EHBP1: variants seen among roughly 807,000 people sequenced by gnomAD.
The protein encoded by EHBP1 is EH domain binding protein 1.
EHBP1 carries 55 observed loss-of-function variants against 144.0 expected under a neutral mutation model. The observed-to-expected ratio is 0.38, with a 90% CI of 0.31 to 0.48. The LOEUF (loss-of-function observed/expected upper bound fraction) is 0.48. EHBP1 is among the 20% of genes least tolerant of loss of function. The probability of loss-of-function intolerance (pLI) is 0.98; values close to 1 mark genes in which losing one functional copy is unlikely to be tolerated. For missense variants in EHBP1, 1,200 were observed against 1,364.2 expected, an observed-to-expected ratio of 0.88 and a Z score of 1.90; for synonymous variants, 469 against 472.7, an observed-to-expected ratio of 0.99 and a Z score of 0.10.
intron 10 of EHBP1, among the ~76,000 whole-genome samples, chr2:62,882,277 T>G (rs2051506964): frequency 6.6e-6 from 1 of 152,172 alleles, no homozygotes; most frequent in African/African-American, 2.4e-5. Flanking sequence ...CCCCAATGAC[T>G]TAAATTCTGT....
At chr2:62,820,949 T>G (rs997494429) in intron 5 of EHBP1, among the ~76,000 whole-genome samples, 1 of 151,106 alleles carries the variant, frequency 6.6e-6, no homozygotes, top group Non-Finnish European at 1.5e-5. Flanking sequence ...TTTCTCAAGC[T>G]GGGTGGTGAG....
At chr2:62,887,858 C>G (rs2052072500) in intron 10 of EHBP1, among the ~76,000 whole-genome samples, 1 of 152,128 alleles carries the variant, frequency 6.6e-6, no homozygotes, top group Admixed American at 6.5e-5. Flanking sequence ...CAAAAAAACC[C>G]AGGCTGTCGA....
At chr2:62,900,090 A>G (rs1393801365) in intron 10 of EHBP1, among the ~76,000 whole-genome samples, 1 of 152,230 alleles carries the variant, frequency 6.6e-6, no homozygotes, top group African/African-American at 2.4e-5. Context: ...ACCTCTGTTC[A>G]GTAGTAAACT....
At chr2:62,691,597 T>C (rs990099901) in intron 1 of EHBP1, among the ~76,000 whole-genome samples, 1 of 152,218 alleles carries the variant, frequency 6.6e-6, no homozygotes, top group African/African-American at 2.4e-5. Context: ...TATTTGCTTC[T>C]GAACTCCTCC....
In EHBP1 at chr2:62,837,950, G is replaced by C. The variant is rs1321074187; in HGVS notation, c.634+6792G>C. On this transcript the variant is annotated intron_variant, in intron 7 of 22. Transcript: ENST00000431489. Reference sequence around the variant, plus strand: ...GATCAACGAGACAGAAAGTCAACAAGGATACCCAGGAATTGAACTCAGCTC... The same window carrying C: ...GATCAACGAGACAGAAAGTCAACAACGATACCCAGGAATTGAACTCAGCTC... 5.0e-4 allele frequency among the ~76,000 whole-genome samples: 73 copies of C among 145,062 alleles called. 1 individual carries two copies. Among genetic ancestry groups the C allele is most frequent in the South Asian group, 2.1e-3 (9 of 4,266 alleles).
chr2:62,692,598 T>G (rs1231057780), intron 1 of EHBP1, among the ~76,000 whole-genome samples: 3 of 152,234 alleles, frequency 2.0e-5, no homozygotes, highest in African/African-American at 7.2e-5. Flanking sequence ...TATCTTACTG[T>G]GGTTTGGATT....
chr2:62,756,847 A>C (rs1195780385), intron 3 of EHBP1, among the ~76,000 whole-genome samples: 1 of 151,976 alleles, frequency 6.6e-6, no homozygotes, highest in Non-Finnish European at 1.5e-5. Flanking sequence ...AAATAAAAAT[A>C]AGTTCCAGAA....
chr2:62,728,131 G>T (rs149770556), intron 2 of EHBP1, among the ~76,000 whole-genome samples: 3 of 152,218 alleles, frequency 2.0e-5, no homozygotes, highest in Non-Finnish European at 4.4e-5. Context: ...CTTTCCTGAA[G>T]TGGGACACTC....
intron 19 of EHBP1, among the ~76,000 whole-genome samples, chr2:63,026,648 T>A (rs2060996878): frequency 6.6e-6 from 1 of 152,184 alleles, no homozygotes; most frequent in South Asian, 2.1e-4. Context: ...CCATTTTCAT[T>A]GAATGGCCAT....
chr2:62,973,710 T>C (rs568505035), intron 14 of EHBP1, among the ~76,000 whole-genome samples: 8 of 152,280 alleles, frequency 5.3e-5, no homozygotes, highest in African/African-American at 1.7e-4. Context: ...TTAGAAACAC[T>C]GATAGTGGTC....
intron 5 of EHBP1, among the ~76,000 whole-genome samples, chr2:62,821,637 A>G (rs2045988319): frequency 6.6e-6 from 1 of 152,140 alleles, no homozygotes; most frequent in Non-Finnish European, 1.5e-5. Context: ...CTGTTTTTGC[A>G]CCACTGCACT....
At chr2:63,037,453 A>G (rs948499694) in intron 19 of EHBP1, 82 bp from the exon 20 acceptor site, 26 of 882,888 alleles carry the variant, frequency 2.9e-5, no homozygotes, top group Middle Eastern at 3.1e-4. Context: ...AATGTTTTCT[A>G]TGTTTAAAAA....
intron 9 of EHBP1, among the ~76,000 whole-genome samples, chr2:62,869,282 A>G (rs1375750934): frequency 1.3e-5 from 2 of 152,236 alleles, no homozygotes; most frequent in Non-Finnish European, 2.9e-5. Context: ...CTTGACCCAG[A>G]CATTCCATTT....
At chr2:62,896,432 T>C (rs1423131140) in intron 10 of EHBP1, among the ~76,000 whole-genome samples, 1 of 152,148 alleles carries the variant, frequency 6.6e-6, no homozygotes, top group Non-Finnish European at 1.5e-5. Context: ...GTTAAGTTAG[T>C]GTATGTATGT....
intron 5 of EHBP1, among the ~76,000 whole-genome samples, chr2:62,804,867 G>T (rs1478142678): frequency 6.6e-6 from 1 of 152,156 alleles, no homozygotes; most frequent in Non-Finnish European, 1.5e-5. Context: ...AGCTGTGCAT[G>T]CAAGGGATCT....
At chr2:62,674,517 C>T (rs1243657743) in intron 1 of EHBP1, among the ~76,000 whole-genome samples, 1 of 152,164 alleles carries the variant, frequency 6.6e-6, no homozygotes, top group Non-Finnish European at 1.5e-5. Flanking sequence ...ACCTTCATCA[C>T]CCTCTATGTT....
chr2:62,771,915 C>T (rs2041693759), intron 5 of EHBP1: 1 of 152,148 alleles, frequency 6.6e-6, no homozygotes, highest in Admixed American at 6.6e-5. Context: ...TGTGACCGGC[C>T]TGGCCAAAGT....
chr2:62,727,769 G>C (rs1451720837), intron 2 of EHBP1, among the ~76,000 whole-genome samples: 1 of 152,012 alleles, frequency 6.6e-6, no homozygotes, highest in East Asian at 1.9e-4. Flanking sequence ...TTGTGTCTTG[G>C]GTATGTTACA....
intron 10 of EHBP1, among the ~76,000 whole-genome samples, chr2:62,912,135 G>A (rs1422205621): frequency 6.6e-6 from 1 of 152,020 alleles, no homozygotes; most frequent in South Asian, 2.1e-4. Flanking sequence ...CCATCTCTAT[G>A]AGTGATATGA....
Sources: gnomAD v4.1 joint callset for allele counts (sites outside exome capture counted in the v4.1 genomes callset) on GRCh38, gnomAD v4.1.1 for gene constraint, MANE v1.5 for transcripts, NCBI Gene and HGNC (gene_info 2026-07-23, HGNC 2026-07-21) for gene names.